WDR33: variants seen among roughly 807,000 people sequenced by gnomAD.
WDR33 encodes WD repeat domain 33.
A neutral mutation model predicts 164.9 loss-of-function variants in WDR33; 47 were observed. The observed-to-expected ratio is 0.29, with a 90% confidence interval of 0.23 to 0.36. The LOEUF is 0.36. Among genes scored for constraint, WDR33 ranks in the 10% least tolerant of loss-of-function variants. The pLI is 1.00. For synonymous variants in WDR33, 505 were observed against 589.0 expected (o/e 0.86, Z 2.06); for missense variants, 1,137 against 1,754.1 (o/e 0.65, Z 6.28).
In WDR33 at chr2:127,763,319, A is replaced by G; in HGVS notation, c.627-160T>C. ...TAAAGTGAATGTCGTCAGCTAACAT[A>G]GGCATCTCATCAAAAGAAGACTTCA... On this transcript the variant is annotated intron_variant, in intron 6 of 21. Transcript: ENST00000322313. This position sits in a 1 kb window ranked among gnomAD's most constrained non-coding sequence, Gnocchi z 4.5. The G allele has an allele frequency of 6.9e-7, 1 of 1,441,662 alleles. No homozygotes were observed. The highest frequency in any genetic ancestry group is 1.5e-5 in the South Asian group (1 of 67,688). 89.3% of individuals were successfully genotyped at this position (1,441,662 alleles called of 1,614,324 possible). A position where few individuals can be genotyped will look rare whatever the true frequency, so the allele number is the denominator to read the frequency against.
At position 127,770,633 on chromosome 2, in the gene WDR33, G is replaced by A. The variant is rs1454111379; in HGVS notation, c.204+145C>T. ...TTGAACCCGGGAGGCAGAGGTTGCA[G>A]TGAGCCAAAACCACACCACTGCACT... On this transcript the variant is annotated intron_variant, in intron 2 of 21. Coordinates refer to ENST00000322313, the MANE Select transcript of WDR33 (RefSeq NM_018383.5). This position sits in a 1 kb window ranked among gnomAD's most constrained non-coding sequence, Gnocchi z 4.9. The A allele has an allele frequency of 1.5e-5, 7 of 473,920 alleles. No homozygotes were observed. The highest frequency in any genetic ancestry group is 2.2e-5 in the Non-Finnish European group (7 of 322,398). 29.4% of individuals were successfully genotyped at this position (473,920 alleles called of 1,614,324 possible). A position where few individuals can be genotyped will look rare whatever the true frequency, so the allele number is the denominator to read the frequency against.
At position 127,709,529 on chromosome 2, in the gene WDR33, C is replaced by T. The variant is rs751445039; in HGVS notation, c.3526G>A (p.Gly1176Arg). 5.0e-6 allele frequency: 8 copies of T among 1,614,034 alleles called. No homozygotes were observed. The highest frequency in any genetic ancestry group is 1.3e-5 in the African/African-American group (1 of 74,948). Residue 1176 changes from glycine (G) to arginine (R), a missense_variant, in exon 20 of 22, where the codon GGG becomes AGG. Physicochemically the swap from Gly to Arg is moderately radical, Grantham distance 125 (BLOSUM62 -2). Transcript: ENST00000322313. The surrounding 1 kb of genome is among the most constrained non-coding windows in gnomAD (Gnocchi z 5.0). The part of the protein sequence containing the change: ...TPDEFPRFEG[G>R]RKPDSWDGNR... ...CCATCCCAGGAATCTGGCTTCCGCC[C>T]TCCTTCAAAGCGAGGGAACTCGTCA...
At chr2:127,785,145 A>G (rs1187712776) in intron 1 of WDR33, among the ~76,000 whole-genome samples, 1 of 151,888 alleles carries the variant, frequency 6.6e-6, no homozygotes, top group African/African-American at 2.4e-5. Flanking sequence ...CATTCTTTTA[A>G]TTTTTTTTCT....
chr2:127,803,297 A>T (rs1558965734), intron 1 of WDR33, among the ~76,000 whole-genome samples: 1 of 152,190 alleles, frequency 6.6e-6, no homozygotes. Flanking sequence ...ATACCAATGT[A>T]GGCCAGGCAC....
At chr2:127,758,718 G>A (rs1162576869) in intron 7 of WDR33, among the ~76,000 whole-genome samples, 16 of 152,040 alleles carry the variant, frequency 1.1e-4, no homozygotes, top group Admixed American at 9.8e-4. Context: ...TACTGATTCC[G>A]TATTTTCAAC....
rs114591548 is a variant in WDR33, at chr2:127,753,444, G to A, written c.724+9618C>T. ...AAATAACCACTTTTATCCTAAAATA[G>A]TCCAGAGATTTGGAAGCAGGCTCTG... is the stretch of plus-strand genomic sequence containing the variant. On this transcript the variant is annotated intron_variant, in intron 7 of 21. Coordinates refer to ENST00000322313, the MANE Select transcript of WDR33 (RefSeq NM_018383.5). 5.5e-3 allele frequency among the ~76,000 whole-genome samples: 843 copies of A among 152,224 alleles called. 3 individuals carry two copies. The highest frequency in any genetic ancestry group is 9.6e-3 in the Non-Finnish European group (650 of 68,012).
chr2:127,787,461 G>A (rs1688624877), intron 1 of WDR33, among the ~76,000 whole-genome samples: 1 of 138,236 alleles, frequency 7.2e-6, no homozygotes, highest in African/African-American at 3.0e-5. Context: ...TCACCTCCCG[G>A]ACGGGGCAGC....
intron 8 of WDR33, among the ~76,000 whole-genome samples, chr2:127,725,720 C>T (rs547619205): frequency 1.4e-5 from 2 of 147,148 alleles, no homozygotes; most frequent in Non-Finnish European, 3.0e-5. Context: ...GGTGACAGAG[C>T]GAGACTCTGT....
chr2:127,720,513 C>T lies in WDR33; in HGVS notation c.1672-160G>A, dbSNP rs1188833016. Among the ~76,000 whole-genome samples the T allele has an allele frequency of 6.6e-6, 1 of 152,158 alleles. No homozygotes were observed. Among genetic ancestry groups the T allele is most frequent in the African/African-American group, 2.4e-5 (1 of 41,432 alleles). Reference sequence around the variant, plus strand: ...AATTAGAGTCCATGCAACACTCAAGCACTGTAAGGAGTTTTAGGTTCTTTC... The same window carrying T: ...AATTAGAGTCCATGCAACACTCAAGTACTGTAAGGAGTTTTAGGTTCTTTC... On this transcript the variant is annotated intron_variant, in intron 15 of 21. Coordinates refer to ENST00000322313, the MANE Select transcript of WDR33 (RefSeq NM_018383.5). The surrounding 1 kb of genome is among the most constrained non-coding windows in gnomAD (Gnocchi z 5.9).
chr2:127,788,335 G>A (rs1381025212), intron 1 of WDR33, among the ~76,000 whole-genome samples: 1 of 111,712 alleles, frequency 9.0e-6, no homozygotes, highest in Non-Finnish European at 1.9e-5. Context: ...GCGGCTGGCC[G>A]GGCAGAGGGG....
Position 127,763,303 on chromosome 2 carries a change from TGTC to T in WDR33, c.627-147_627-145del. The T allele has an allele frequency of 6.8e-7, 1 of 1,461,750 alleles. No individual in the cohort carries two copies. The highest frequency in any genetic ancestry group is 9.0e-7 in the Non-Finnish European group (1 of 1,107,470). The allele number at this position is 1,461,750 out of a possible 1,614,324, so 90.5% of individuals were successfully genotyped here. A position where few individuals can be genotyped will look rare whatever the true frequency, so the allele number is the denominator to read the frequency against. On this transcript the variant is annotated intron_variant, in intron 6 of 21. Coordinates refer to ENST00000322313, the MANE Select transcript of WDR33 (RefSeq NM_018383.5). This position sits in a 1 kb window ranked among gnomAD's most constrained non-coding sequence, Gnocchi z 4.5. ...CCAGTGAAGAAGCCCTTAAAGTGAA[TGTC>T]GTCAGCTAACATAGGCATCTCATCA... is the stretch of plus-strand genomic sequence containing the variant.
chr2:127,794,916 T>C (rs1688978639), intron 1 of WDR33, among the ~76,000 whole-genome samples: 1 of 151,254 alleles, frequency 6.6e-6, no homozygotes, highest in Non-Finnish European at 1.5e-5. Context: ...TCCTAGCTAC[T>C]GGGAGGCTGA....
intron 1 of WDR33, among the ~76,000 whole-genome samples, chr2:127,799,274 C>T (rs1376284395): frequency 2.0e-5 from 3 of 152,006 alleles, no homozygotes; most frequent in Non-Finnish European, 4.4e-5. Context: ...AACTTCTTTG[C>T]TTCAATGACA....
At position 127,706,899 on chromosome 2, in the gene WDR33, CCA is replaced by C. The variant is rs1686029804; in HGVS notation, c.3782-349_3782-348del. 6.6e-6 allele frequency among the ~76,000 whole-genome samples: 1 copy of C among 152,242 alleles called. No homozygotes were observed. The highest frequency in any genetic ancestry group is 6.5e-5 in the Admixed American group (1 of 15,288). On this transcript the variant is annotated intron_variant, in intron 21 of 21. Coordinates refer to ENST00000322313, the MANE Select transcript of WDR33 (RefSeq NM_018383.5). The surrounding 1 kb of genome is among the most constrained non-coding windows in gnomAD (Gnocchi z 5.1). ...GGGAAGTGTATCTGCCTGCTCCCAG[CCA>C]CCAGGGTATATTGAGGGAAGGTTTG...
In WDR33 at chr2:127,723,073, A is replaced by G. The variant is rs1359583209; in HGVS notation, c.1292-29T>C. On this transcript the variant is annotated intron_variant, in intron 12 of 21. Transcript: ENST00000322313. This position sits in a 1 kb window ranked among gnomAD's most constrained non-coding sequence, Gnocchi z 5.9. ...TAAATAGTAATACACCATTGTCAAT[A>G]GAGAATTTACAAAAGTAGCGACTGA... 1 of 1,563,654 alleles carries G rather than the reference A, an allele frequency of 6.4e-7. No homozygotes were observed. Among genetic ancestry groups the G allele is most frequent in the Non-Finnish European group, 8.7e-7 (1 of 1,153,662 alleles).
Position 127,724,307 on chromosome 2 carries a change from C to T in WDR33, c.1196+26G>A, listed in dbSNP as rs757061103. ...TTATTTCCTGTTGCTCCATATAAAG[C>T]TTTGCTATTTCAATATAAAGCTTAC... On this transcript the variant is annotated intron_variant, in intron 11 of 21. Transcript: ENST00000322313. This position sits in a 1 kb window ranked among gnomAD's most constrained non-coding sequence, Gnocchi z 4.8. 3.4e-5 allele frequency: 53 copies of T among 1,570,200 alleles called. No individual in the cohort carries two copies. The highest frequency in any genetic ancestry group is 4.3e-5 in the Non-Finnish European group (49 of 1,141,194).
rs924519125 is a variant in WDR33, at chr2:127,704,746, T to C, written c.*1577A>G. 2.4e-5 allele frequency: 4 copies of C among 167,124 alleles called. No individual in the cohort carries two copies. Among genetic ancestry groups the C allele is most frequent in the African/African-American group, 9.6e-5 (4 of 41,466 alleles). 10.4% of individuals were successfully genotyped at this position (167,124 alleles called of 1,614,324 possible). ...ATAGAGAACCAGTTAAATTTTCATATCCTGTTAAACTATATCAGTATGCCT... is the reference window on the plus strand; with the variant it reads ...ATAGAGAACCAGTTAAATTTTCATACCCTGTTAAACTATATCAGTATGCCT... On this transcript the variant is annotated 3_prime_UTR_variant, in exon 22 of 22. Transcript: ENST00000322313.
At chr2:127,799,786 G>A (rs2104675907) in intron 1 of WDR33, among the ~76,000 whole-genome samples, 1 of 152,328 alleles carries the variant, frequency 6.6e-6, no homozygotes, top group East Asian at 1.9e-4. Context: ...ACCACCTCCT[G>A]CTGGAGTTCA....
At chr2:127,794,833 C>CAAAA (rs990234716) in intron 1 of WDR33, among the ~76,000 whole-genome samples, 7 of 79,228 alleles carry the variant, frequency 8.8e-5, no homozygotes, top group African/African-American at 7.9e-5. Flanking sequence ...GACTCCGTTT[C>CAAAA]AAAAAAAAAA....
Sources: gnomAD v4.1 joint callset for allele counts (sites outside exome capture counted in the v4.1 genomes callset) on GRCh38, gnomAD v4.1.1 for gene constraint, Gnocchi (gnomAD v3.1) non-coding constraint, MANE v1.5 for transcripts, NCBI Gene and HGNC (gene_info 2026-07-23, HGNC 2026-07-21) for gene names.